PTPRD: variants seen among roughly 807,000 people sequenced by gnomAD.
PTPRD encodes the protein receptor-type tyrosine-protein phosphatase delta.
PTPRD carries 34 observed loss-of-function variants against 214.5 expected under a neutral mutation model. The ratio of observed to expected loss-of-function variants is 0.16; its 90% CI spans 0.12 to 0.21. The LOEUF (loss-of-function observed/expected upper bound fraction) is 0.21, where lower values mean the gene tolerates loss of function less well. PTPRD is among the 10% of genes least tolerant of loss of function. PTPRD has a pLI of 1.00. For synonymous variants in PTPRD, 1,128 were observed against 845.7 expected, an observed-to-expected ratio of 1.33 and a Z score of -5.79; for missense variants, 2,545 against 2,398.7, an observed-to-expected ratio of 1.06 and a Z score of -1.27.
chr9:8,581,937 AAAAAAG>A (rs1564503172), intron 14 of PTPRD, among the ~76,000 whole-genome samples: 2 of 144,556 alleles, frequency 1.4e-5, no homozygotes, highest in African/African-American at 5.4e-5. Context: ...AAAAAAAAAA[AAAAAAG>A]AGGGAAAAAA....
Position 8,733,957 on chromosome 9 carries a change from G to C in PTPRD, c.-103-11C>G. 9.5e-7 allele frequency: 1 copy of C among 1,057,192 alleles called. No homozygotes were observed. Among genetic ancestry groups the C allele is most frequent in the Middle Eastern group, 3.0e-4 (1 of 3,350 alleles). 65.5% of individuals were successfully genotyped at this position (1,057,192 alleles called of 1,614,324 possible). ...GAACACTTTCAGAGCCTGAAAGCGGGGAGGAAGAGAAAAGAAAAGGAAGAA... is the reference window on the plus strand; with the variant it reads ...GAACACTTTCAGAGCCTGAAAGCGGCGAGGAAGAGAAAAGAAAAGGAAGAA... On this transcript the variant is annotated splice_polypyrimidine_tract_variant and intron_variant, in intron 11 of 45. Transcript: ENST00000381196.
intron 2 of PTPRD, among the ~76,000 whole-genome samples, chr9:10,411,992 T>A (rs1315248068): frequency 1.3e-5 from 2 of 151,840 alleles, no homozygotes; most frequent in Non-Finnish European, 2.9e-5. Context: ...AAAATTAGCA[T>A]GCATTTAGAC....
At chr9:10,081,604 C>G in intron 3 of PTPRD, among the ~76,000 whole-genome samples, 1 of 152,090 alleles carries the variant, frequency 6.6e-6, no homozygotes, top group East Asian at 1.9e-4. Context: ...GGGCCCTGAT[C>G]TGAGACTTTC....
intron 3 of PTPRD, among the ~76,000 whole-genome samples, chr9:10,332,847 C>G (rs1187975524): frequency 6.6e-6 from 1 of 151,804 alleles, no homozygotes; most frequent in East Asian, 1.9e-4. Context: ...TCCCGAATCT[C>G]TAAGCACCTG....
chr9:8,623,397 G>T (rs1045473975), intron 14 of PTPRD, among the ~76,000 whole-genome samples: 1 of 151,858 alleles, frequency 6.6e-6, no homozygotes, highest in African/African-American at 2.4e-5. Flanking sequence ...CAGCCAAATG[G>T]TGGCATCTGG....
At chr9:9,449,601 G>A (rs907127795) in intron 8 of PTPRD, among the ~76,000 whole-genome samples, 1 of 151,934 alleles carries the variant, frequency 6.6e-6, no homozygotes, top group Non-Finnish European at 1.5e-5. Context: ...CTAGAACCTC[G>A]TCCTTGCAAA....
chr9:9,432,324 C>G (rs2083515870), intron 8 of PTPRD, among the ~76,000 whole-genome samples: 1 of 152,016 alleles, frequency 6.6e-6, no homozygotes, highest in African/African-American at 2.4e-5. Context: ...AATTGGCAGA[C>G]TGTTGGGCCA....
At chr9:8,545,583 C>A (rs1303877361) in intron 14 of PTPRD, among the ~76,000 whole-genome samples, 3 of 152,176 alleles carry the variant, frequency 2.0e-5, no homozygotes, top group Non-Finnish European at 4.4e-5. Flanking sequence ...AAGGACTATA[C>A]AGATCAACTG....
chr9:8,796,024 A>G (rs921147017), intron 11 of PTPRD, among the ~76,000 whole-genome samples: 1 of 152,230 alleles, frequency 6.6e-6, no homozygotes, highest in Admixed American at 6.5e-5. Context: ...ATGATAAACT[A>G]TGATGACCAC....
intron 11 of PTPRD, among the ~76,000 whole-genome samples, chr9:8,773,340 C>A (rs568423890): frequency 6.6e-6 from 1 of 152,188 alleles, no homozygotes; most frequent in African/African-American, 2.4e-5. Flanking sequence ...TCGGCCCCAT[C>A]TTCCCAACTC....
chr9:9,381,719 T>G (rs35420816), intron 9 of PTPRD, among the ~76,000 whole-genome samples: 2 of 85,630 alleles, frequency 2.3e-5, no homozygotes, highest in Non-Finnish European at 5.1e-5. Flanking sequence ...TTTTTGTTTT[T>G]TTTTGTTTGT....
chr9:9,362,776 G>A (rs1237145784), intron 9 of PTPRD, among the ~76,000 whole-genome samples: 3 of 151,280 alleles, frequency 2.0e-5, no homozygotes, highest in Middle Eastern at 3.2e-3. Context: ...TAGCAAATGT[G>A]TTGATAGTTA....
Position 9,384,361 on chromosome 9 carries a change from T to G in PTPRD, c.-203+13088A>C, listed in dbSNP as rs1356055585. Among the ~76,000 whole-genome samples, 321 of 79,546 alleles carry G rather than the reference T, an allele frequency of 4.0e-3. 15 individuals carry two copies. Among genetic ancestry groups the G allele is most frequent in the African/African-American group, 0.017 (304 of 17,620 alleles). 52.2% of individuals were successfully genotyped at this position (79,546 alleles called of 152,430 possible). ...GACTAGGCTTTTTTTTTTTTTTTTT[T>G]TTTTTTTTTTTTTTTTTTTTTTTCT... is the stretch of plus-strand genomic sequence containing the variant. On this transcript the variant is annotated intron_variant, in intron 9 of 45. Transcript: ENST00000381196.
intron 8 of PTPRD, among the ~76,000 whole-genome samples, chr9:9,573,821 G>T (rs551703481): frequency 1.3e-5 from 2 of 151,728 alleles, no homozygotes; most frequent in East Asian, 3.9e-4. Flanking sequence ...AAAAAGTAAT[G>T]AAAAAGTATA....
rs115667582 is a variant in PTPRD, at chr9:8,658,528, T to C, written c.65-21684A>G. Among the ~76,000 whole-genome samples, 1,236 of 152,280 alleles carry C rather than the reference T, an allele frequency of 8.1e-3. 30 individuals are homozygous for C. The highest frequency in any genetic ancestry group is 0.029 in the African/African-American group (1,189 of 41,566). On this transcript the variant is annotated intron_variant, in intron 12 of 45. Coordinates refer to ENST00000381196, the MANE Select transcript of PTPRD (RefSeq NM_002839.4). ...TATTAGTACCAGTAGCCAATATGTC[T>C]ATTTTTAAAAAATGATTTCAGTATT...
chr9:8,744,604 G>A (rs1161815886), intron 11 of PTPRD, among the ~76,000 whole-genome samples: 1 of 152,198 alleles, frequency 6.6e-6, no homozygotes, highest in Non-Finnish European at 1.5e-5. Context: ...CTATGAGGAT[G>A]CAAAGGCATA....
chr9:9,549,249 T>C (rs1284230172), intron 8 of PTPRD, among the ~76,000 whole-genome samples: 2 of 151,500 alleles, frequency 1.3e-5, no homozygotes, highest in African/African-American at 4.8e-5. Context: ...TACATATATA[T>C]GTGTATAATG....
chr9:8,748,934 C>G (rs1338815055), intron 11 of PTPRD, among the ~76,000 whole-genome samples: 1 of 152,036 alleles, frequency 6.6e-6, no homozygotes, highest in African/African-American at 2.4e-5. Flanking sequence ...TCATCATTTT[C>G]TAACTTGCAC....
intron 11 of PTPRD, among the ~76,000 whole-genome samples, chr9:8,883,340 G>C (rs1467477362): frequency 2.0e-5 from 3 of 152,206 alleles, no homozygotes; most frequent in Non-Finnish European, 4.4e-5. Context: ...GGAGTAAGTA[G>C]AGAGAGGTGA....
Sources: allele counts gnomAD v4.1 joint callset (sites outside exome capture counted in the v4.1 genomes callset), GRCh38; gene constraint gnomAD v4.1.1; transcripts MANE v1.5; gene names NCBI Gene and HGNC (gene_info 2026-07-23, HGNC 2026-07-21).